Variants in RAPGEF4 observed in about 807,000 individuals in gnomAD.
RAPGEF4 encodes the protein RAP guanine-nucleotide-exchange factor (GEF) 4.
A neutral mutation model predicts 147.9 loss-of-function variants in RAPGEF4; 66 were observed. The observed-to-expected ratio is 0.45, with a 90% CI of 0.37 to 0.55. RAPGEF4 has a LOEUF of 0.55. RAPGEF4 is among the 20% of genes least tolerant of loss of function. The pLI, the probability that RAPGEF4 is intolerant of heterozygous loss-of-function variation, is 0.00. For missense variants in RAPGEF4, 1,071 were observed against 1,257.3 expected (o/e 0.85, Z 2.24); for synonymous variants, 419 against 442.7 (o/e 0.95, Z 0.67).
intron 4 of RAPGEF4, among the ~76,000 whole-genome samples, chr2:172,868,494 G>T (rs1417463390): frequency 2.6e-5 from 4 of 152,174 alleles, no homozygotes; most frequent in African/African-American, 9.7e-5. Flanking sequence ...AGACAGAGGG[G>T]AAGGAATCTT....
chr2:172,872,375 C>T (rs560742079), intron 4 of RAPGEF4, among the ~76,000 whole-genome samples: 1 of 152,278 alleles, frequency 6.6e-6, no homozygotes, highest in Non-Finnish European at 1.5e-5. Flanking sequence ...TAGGATAAGG[C>T]ATCCTTCAAT....
At chr2:172,880,571 T>TG (rs140314406) in intron 4 of RAPGEF4, among the ~76,000 whole-genome samples, 9,681 of 152,252 alleles carry the variant, frequency 0.064, 481 homozygotes, top group South Asian at 0.2. Flanking sequence ...TGGGCTTTCC[T>TG]TGGTTGGATA....
At chr2:172,833,131 G>A (rs1690539565) in intron 4 of RAPGEF4, among the ~76,000 whole-genome samples, 1 of 151,296 alleles carries the variant, frequency 6.6e-6, no homozygotes, top group Non-Finnish European at 1.5e-5. Flanking sequence ...TTGAACCTGA[G>A]AGGTGGAGGT....
intron 4 of RAPGEF4, among the ~76,000 whole-genome samples, chr2:172,828,394 T>C (rs965336079): frequency 6.6e-6 from 1 of 152,114 alleles, no homozygotes; most frequent in Admixed American, 6.5e-5. Context: ...AGCCCCTCAG[T>C]GTGAGGGACA....
At chr2:173,048,391 T>G (rs1412772193) in intron 29 of RAPGEF4, 9 of 1,111,220 alleles carry the variant, frequency 8.1e-6, no homozygotes, top group Non-Finnish European at 9.6e-6. Context: ...TTAATATTCC[T>G]TACCTGAAAA....
chr2:172,829,874 C>A (rs1039350036), intron 4 of RAPGEF4, among the ~76,000 whole-genome samples: 9 of 150,978 alleles, frequency 6.0e-5, no homozygotes, highest in African/African-American at 2.2e-4. Context: ...GGATGATTCA[C>A]AACAGGTGCT....
At chr2:172,802,517 C>T (rs1256078500) in intron 3 of RAPGEF4, among the ~76,000 whole-genome samples, 1 of 152,178 alleles carries the variant, frequency 6.6e-6, no homozygotes, top group African/African-American at 2.4e-5. Context: ...TACCTTCCAC[C>T]AGGTTCTTCC....
chr2:172,864,914 C>T (rs1694459493), intron 4 of RAPGEF4, among the ~76,000 whole-genome samples: 1 of 152,168 alleles, frequency 6.6e-6, no homozygotes, highest in South Asian at 2.1e-4. Flanking sequence ...CAAAAACAAA[C>T]AAAACAGAAA....
At chr2:173,029,551 A>G (rs1360196286) in intron 25 of RAPGEF4, among the ~76,000 whole-genome samples, 1 of 152,244 alleles carries the variant, frequency 6.6e-6, no homozygotes, top group Non-Finnish European at 1.5e-5. Context: ...CAAAATGATC[A>G]GCTTCATTGA....
intron 4 of RAPGEF4, among the ~76,000 whole-genome samples, chr2:172,857,221 T>A (rs1260449124): frequency 6.6e-6 from 1 of 151,978 alleles, no homozygotes. Context: ...CTTAGTACTT[T>A]GCCCAAGGTC....
intron 1 of RAPGEF4, among the ~76,000 whole-genome samples, chr2:172,737,483 A>G (rs1344796756): frequency 6.6e-6 from 1 of 152,184 alleles, no homozygotes; most frequent in Non-Finnish European, 1.5e-5. Context: ...ATGTGTAGAA[A>G]TGCATGGCAT....
At chr2:172,773,805 C>G (rs1683887205) in intron 1 of RAPGEF4, among the ~76,000 whole-genome samples, 1 of 152,020 alleles carries the variant, frequency 6.6e-6, no homozygotes, top group Non-Finnish European at 1.5e-5. Flanking sequence ...CACCTGATAT[C>G]CTGGGGAAGG....
intron 4 of RAPGEF4, among the ~76,000 whole-genome samples, chr2:172,817,524 C>T (rs772470879): frequency 6.6e-6 from 1 of 152,122 alleles, no homozygotes; most frequent in Non-Finnish European, 1.5e-5. Flanking sequence ...TCAGCTAGAT[C>T]ACCCAAATAT....
At chr2:172,784,293 C>T (rs925113926) in intron 1 of RAPGEF4, among the ~76,000 whole-genome samples, 110 of 152,174 alleles carry the variant, frequency 7.2e-4, no homozygotes, top group East Asian at 1.9e-4. Context: ...CTGAGGCAGG[C>T]GGATCATGAG....
At position 172,990,898 on chromosome 2, in the gene RAPGEF4, A is replaced by G. The variant is rs1262683936; in HGVS notation, c.1463A>G (p.Asn488Ser). ...EKVPAGNRAS[N>S]QGNSQPQQKY... Reference sequence around the variant, plus strand: ...GTCCCAGCAGGGAACAGAGCTTCTAATCAAGGAAACTCACAGCCTCAGCAA... The same window carrying G: ...GTCCCAGCAGGGAACAGAGCTTCTAGTCAAGGAAACTCACAGCCTCAGCAA... The change falls in exon 15 of 31, where the codon AAT (asparagine) becomes AGT (serine). Residue 488 changes from asparagine to serine, a missense_variant. Coordinates refer to ENST00000397081, the MANE Select transcript of RAPGEF4 (RefSeq NM_007023.4). The G allele has an allele frequency of 1.9e-6, 3 of 1,613,762 alleles. No homozygotes were observed. Among genetic ancestry groups the G allele is most frequent in the African/African-American group, 2.7e-5 (2 of 74,946 alleles).
intron 4 of RAPGEF4, among the ~76,000 whole-genome samples, chr2:172,830,672 C>T (rs1362240938): frequency 5.9e-5 from 9 of 152,290 alleles, no homozygotes; most frequent in Admixed American, 3.3e-4. Flanking sequence ...GGTGCAATCA[C>T]GGCTCGCTGT....
chr2:172,765,598 T>A (rs1370845844), intron 1 of RAPGEF4, among the ~76,000 whole-genome samples: 1 of 152,214 alleles, frequency 6.6e-6, no homozygotes, highest in Non-Finnish European at 1.5e-5. Context: ...TGACTATGCC[T>A]GTGCTGAGTA....
intron 4 of RAPGEF4, among the ~76,000 whole-genome samples, chr2:172,839,732 A>T (rs953434196): frequency 6.6e-6 from 1 of 152,186 alleles, no homozygotes; most frequent in African/African-American, 2.4e-5. Context: ...TCTGGTTTAC[A>T]TACCTCTGAC....
At chr2:172,919,693 G>C (rs1440090629) in intron 5 of RAPGEF4, among the ~76,000 whole-genome samples, 1 of 152,124 alleles carries the variant, frequency 6.6e-6, no homozygotes. Context: ...GTTTCCAGGT[G>C]ACCTCAGGTT....
Sources: allele counts gnomAD v4.1 joint callset (sites outside exome capture counted in the v4.1 genomes callset), GRCh38; gene constraint gnomAD v4.1.1; transcripts MANE v1.5; gene names NCBI Gene and HGNC (gene_info 2026-07-23, HGNC 2026-07-21).